Variants in ARHGEF28 observed in about 807,000 individuals in gnomAD.
ARHGEF28 encodes the protein 190 kDa guanine nucleotide exchange factor.
ARHGEF28 carries 152 observed loss-of-function variants against 206.6 expected under a neutral mutation model. The observed-to-expected ratio is 0.74, with a 90% CI of 0.64 to 0.84. ARHGEF28 has a LOEUF of 0.84. Ranked by LOEUF, ARHGEF28 falls within the 40% of genes least tolerant of loss-of-function variation. ARHGEF28 has a pLI of 0.00. For synonymous variants in ARHGEF28, 763 were observed against 776.4 expected, an observed-to-expected ratio of 0.98 and a Z score of 0.29; for missense variants, 2,028 against 2,073.2, an observed-to-expected ratio of 0.98 and a Z score of 0.42.
intron 10 of ARHGEF28, among the ~76,000 whole-genome samples, chr5:73,839,660 A>G (rs10040601): frequency 0.4 from 61,309 of 152,012 alleles, 12,707 homozygotes; most frequent in East Asian, 0.54. Context: ...TTTCTCTGCC[A>G]TTCAGAGTTT....
chr5:73,908,784 A>G (rs560328939), intron 33 of ARHGEF28: 1 of 148,782 alleles, frequency 6.7e-6, no homozygotes, highest in East Asian at 1.9e-4. Context: ...GCTATAATAC[A>G]AAGATATAAC....
intron 1 of ARHGEF28, among the ~76,000 whole-genome samples, chr5:73,648,880 T>C (rs1744613112): frequency 6.6e-6 from 1 of 152,182 alleles, no homozygotes; most frequent in Non-Finnish European, 1.5e-5. Context: ...CCATGAATGG[T>C]TCTCGGGATG....
At chr5:73,721,586 T>C (rs1749950314) in intron 2 of ARHGEF28, among the ~76,000 whole-genome samples, 1 of 152,158 alleles carries the variant, frequency 6.6e-6, no homozygotes, top group Non-Finnish European at 1.5e-5. Flanking sequence ...GAATTTTTTT[T>C]TTCAGAATCA....
At chr5:73,843,142 C>A (rs1490949878) in intron 11 of ARHGEF28, among the ~76,000 whole-genome samples, 1 of 152,054 alleles carries the variant, frequency 6.6e-6, no homozygotes, top group Admixed American at 6.6e-5. Flanking sequence ...TGCAGAGTAT[C>A]GAAATTATAC....
chr5:73,752,638 G>A (rs1752077974), intron 3 of ARHGEF28, among the ~76,000 whole-genome samples: 2 of 152,224 alleles, frequency 1.3e-5, no homozygotes, highest in Admixed American at 1.3e-4. Flanking sequence ...GAATAGCAGT[G>A]TTTGGTAACG....
intron 9 of ARHGEF28, among the ~76,000 whole-genome samples, chr5:73,796,157 T>TA (rs1193501538): frequency 6.6e-6 from 1 of 152,214 alleles, no homozygotes; most frequent in Non-Finnish European, 1.5e-5. Flanking sequence ...TGTTTGAAGA[T>TA]ACAGGCTGAG....
At chr5:73,863,275 C>G (rs1310884777) in intron 16 of ARHGEF28, 1 of 152,026 alleles carries the variant, frequency 6.6e-6, no homozygotes, top group Non-Finnish European at 1.5e-5. Context: ...CTTTTGGGCG[C>G]TTTTTCAGCT....
intron 16 of ARHGEF28, 68 bp from the exon 17 acceptor site, chr5:73,864,749 T>G: frequency 7.4e-7 from 1 of 1,344,756 alleles, no homozygotes; most frequent in Non-Finnish European, 1.0e-6. Flanking sequence ...GAAAGCATGA[T>G]GTAGTCTTAT....
intron 35 of ARHGEF28, among the ~76,000 whole-genome samples, chr5:73,934,945 T>TCA (rs1764336329): frequency 6.6e-6 from 1 of 152,166 alleles, no homozygotes; most frequent in Non-Finnish European, 1.5e-5. Context: ...CCCACGGGGC[T>TCA]TGTGATGTGA....
intron 9 of ARHGEF28, among the ~76,000 whole-genome samples, chr5:73,814,615 C>G (rs1756068180): frequency 6.6e-6 from 1 of 151,990 alleles, no homozygotes; most frequent in Non-Finnish European, 1.5e-5. Flanking sequence ...TTTTCATAAG[C>G]TTACAAGCAG....
At chr5:73,738,614 A>G (rs1456676172) in intron 2 of ARHGEF28, among the ~76,000 whole-genome samples, 1 of 151,864 alleles carries the variant, frequency 6.6e-6, no homozygotes, top group Admixed American at 6.6e-5. Context: ...GACAAGGGGA[A>G]CTGTCTCCAG....
At chr5:73,755,579 A>G (rs1303354447) in intron 4 of ARHGEF28, among the ~76,000 whole-genome samples, 1 of 152,210 alleles carries the variant, frequency 6.6e-6, no homozygotes, top group Admixed American at 6.5e-5. Flanking sequence ...AATGGAATTC[A>G]TGTTACCCGC....
chr5:73,906,222 C>T (rs1339842221), intron 33 of ARHGEF28, among the ~76,000 whole-genome samples: 2 of 152,086 alleles, frequency 1.3e-5, no homozygotes, highest in African/African-American at 4.8e-5. Context: ...TATCCTTCCA[C>T]AAGAGCTTTT....
intron 2 of ARHGEF28, among the ~76,000 whole-genome samples, chr5:73,689,402 G>A (rs1747677239): frequency 6.6e-6 from 1 of 152,074 alleles, no homozygotes; most frequent in African/African-American, 2.4e-5. Context: ...GAGTGCACTG[G>A]CATGATCTTA....
Position 73,868,095 on chromosome 5 carries a change from C to A in ARHGEF28, c.2298-5C>A, listed in dbSNP as rs1323458407. ...GCTAACTTTGCTCCCCTCCCTCTCTCCTAGCTTCAGGAGGTCAGCCACATC... is the reference window on the plus strand; with the variant it reads ...GCTAACTTTGCTCCCCTCCCTCTCTACTAGCTTCAGGAGGTCAGCCACATC... On this transcript the variant is annotated splice_region_variant and splice_polypyrimidine_tract_variant and intron_variant, in intron 19 of 35. Transcript: ENST00000513042. 1 of 1,612,502 alleles carries A rather than the reference C, an allele frequency of 6.2e-7. No homozygotes were observed. The highest frequency in any genetic ancestry group is 1.3e-5 in the African/African-American group (1 of 74,912).
intron 1 of ARHGEF28, among the ~76,000 whole-genome samples, chr5:73,654,117 A>T (rs1472859807): frequency 6.6e-6 from 1 of 152,134 alleles, no homozygotes; most frequent in African/African-American, 2.4e-5. Flanking sequence ...CATCCTAGTC[A>T]TGTACCAGCC....
intron 22 of ARHGEF28, among the ~76,000 whole-genome samples, chr5:73,881,447 T>C (rs924292817): frequency 6.6e-6 from 1 of 152,220 alleles, no homozygotes; most frequent in African/African-American, 2.4e-5. Context: ...ACTTCATTTA[T>C]TTAGATTTTT....
At chr5:73,675,090 A>G (rs1395801273) in intron 1 of ARHGEF28, among the ~76,000 whole-genome samples, 1 of 152,158 alleles carries the variant, frequency 6.6e-6, no homozygotes, top group Admixed American at 6.5e-5. Flanking sequence ...CACAGGTGAA[A>G]CAACCTGAGA....
intron 9 of ARHGEF28, chr5:73,827,914 T>C (rs551840284): frequency 1.3e-5 from 2 of 152,342 alleles, no homozygotes; most frequent in Non-Finnish European, 2.9e-5. Flanking sequence ...AATAACTTTT[T>C]CACTTAATTT....
Sources: allele counts gnomAD v4.1 joint callset (sites outside exome capture counted in the v4.1 genomes callset), GRCh38; gene constraint gnomAD v4.1.1; transcripts MANE v1.5; gene names NCBI Gene and HGNC (gene_info 2026-07-23, HGNC 2026-07-21).